Variants in ILDR1 observed in about 807,000 individuals in gnomAD.
The protein encoded by ILDR1 is immunoglobulin like domain containing receptor 1, also known as immunoglobulin-like domain-containing receptor 1.
A neutral mutation model predicts 62.4 loss-of-function variants in ILDR1; 56 were observed. That is an observed-to-expected ratio of 0.90 (90% CI 0.72 to 1.12). The LOEUF (loss-of-function observed/expected upper bound fraction) is 1.12. Ranked by LOEUF, ILDR1 falls within the 50% of genes most tolerant of loss-of-function variation. ILDR1 has a pLI of 0.00. For synonymous variants in ILDR1, 284 were observed against 277.8 expected, an observed-to-expected ratio of 1.02 and a Z score of -0.22; for missense variants, 736 against 710.6, an observed-to-expected ratio of 1.04 and a Z score of -0.41.
At chr3:122,015,682 G>A (rs763943024) in intron 1 of ILDR1, among the ~76,000 whole-genome samples, 1 of 152,220 alleles carries the variant, frequency 6.6e-6, no homozygotes, top group African/African-American at 2.4e-5. Context: ...CTGCAGAACT[G>A]TAAGTGAATT....
chr3:122,022,961 T>C (rs2071886719), upstream of ILDR1, among the ~76,000 whole-genome samples: 1 of 140,128 alleles, frequency 7.1e-6, no homozygotes, highest in East Asian at 2.5e-4. Context: ...AAATAAATAT[T>C]TGTTTCTAGA....
intron 7 of ILDR1, among the ~76,000 whole-genome samples, chr3:121,990,998 G>A (rs1226210037): frequency 2.6e-5 from 4 of 152,124 alleles, no homozygotes; most frequent in African/African-American, 4.8e-5. Context: ...TCAAGAGATC[G>A]AGACCATCCC....
At chr3:121,994,937 C>T (rs62269206) in intron 5 of ILDR1, among the ~76,000 whole-genome samples, 5,177 of 152,254 alleles carry the variant, frequency 0.034, 196 homozygotes, top group South Asian at 0.1. Flanking sequence ...CTACTCTTCC[C>T]GCCTTATTAA....
chr3:122,005,480 CA>C, intron 2 of ILDR1, 87 bp from the exon 3 acceptor site: 2 of 1,441,776 alleles, frequency 1.4e-6, no homozygotes. Context: ...GCGTGAGACA[CA>C]GTGAAGTGTC....
Position 121,987,866 on chromosome 3 carries a change from C to T in ILDR1, c.*501G>A, listed in dbSNP as rs958864459. On this transcript the variant is annotated 3_prime_UTR_variant, in exon 8 of 8. Transcript: ENST00000344209. ...AGAGCATGAACCAAGGCTAAAACTA[C>T]AGTTGGTAATTCCTCGAACTCTAAC... 1.1e-5 allele frequency: 3 copies of T among 263,224 alleles called. No individual in the cohort carries two copies. The highest frequency in any genetic ancestry group is 1.0e-4 in the Admixed American group (2 of 19,642). The allele number at this position is 263,224 out of a possible 1,614,324, so 16.3% of individuals were successfully genotyped here.
At chr3:122,045,205 A>G in the ILDR1 span, among the ~76,000 whole-genome samples, 1 of 149,698 alleles carries the variant, frequency 6.7e-6, no homozygotes, top group Non-Finnish European at 1.5e-5. Context: ...CAGGTTGTTC[A>G]GTTTCCATGT....
the ILDR1 span, among the ~76,000 whole-genome samples, chr3:122,044,919 C>T: frequency 6.0e-5 from 9 of 148,800 alleles, no homozygotes; most frequent in African/African-American, 2.0e-4. Context: ...CTATTTCCTT[C>T]AGTTCTGCTC....
chr3:122,015,992 C>T (rs543354486), intron 1 of ILDR1, among the ~76,000 whole-genome samples: 5 of 152,298 alleles, frequency 3.3e-5, no homozygotes, highest in Admixed American at 1.3e-4. Flanking sequence ...AACAGCTGTC[C>T]ATTTCTGTTA....
At chr3:122,043,593 G>C in the ILDR1 span, among the ~76,000 whole-genome samples, 1 of 63,250 alleles carries the variant, frequency 1.6e-5, no homozygotes, top group Non-Finnish European at 3.2e-5. Flanking sequence ...TTATTTCCTT[G>C]AGCAGTGGTT....
chr3:122,044,460 T>C, the ILDR1 span, among the ~76,000 whole-genome samples: 1 of 148,556 alleles, frequency 6.7e-6, no homozygotes. Context: ...TTCCCTCTTT[T>C]TCTATTGATT....
the ILDR1 span, among the ~76,000 whole-genome samples, chr3:122,036,084 C>A: frequency 6.6e-6 from 1 of 152,242 alleles, no homozygotes; most frequent in South Asian, 2.1e-4. Context: ...GAGTAAAGGT[C>A]ACCCTTACTA....
intron 1 of ILDR1, 184 bp from the exon 2 acceptor site, chr3:122,007,345 C>T (rs1353430438): frequency 1.5e-6 from 2 of 1,332,966 alleles, no homozygotes; most frequent in Admixed American, 2.0e-5. Flanking sequence ...AGAACGCACT[C>T]AGCAGCCTCA....
At chr3:122,025,708 G>A (rs941544263), upstream of ILDR1, among the ~76,000 whole-genome samples, 2 of 152,190 alleles carry the variant, frequency 1.3e-5, no homozygotes, top group Non-Finnish European at 2.9e-5. Flanking sequence ...TATGTGTACA[G>A]TATTTATCAA....
chr3:122,051,227 TTC>T, the ILDR1 span, among the ~76,000 whole-genome samples: 1 of 152,238 alleles, frequency 6.6e-6, no homozygotes, highest in Non-Finnish European at 1.5e-5. Flanking sequence ...TCTCCAACCC[TTC>T]TCTTTCTTGG....
chr3:122,012,310 T>C (rs2071716785), intron 1 of ILDR1, among the ~76,000 whole-genome samples: 1 of 152,232 alleles, frequency 6.6e-6, no homozygotes, highest in Admixed American at 6.5e-5. Context: ...CTACAAGTTT[T>C]CAAATTCTTA....
At chr3:122,011,695 A>ACACACACACACACACACACACACACACT (rs2071706999) in intron 1 of ILDR1, among the ~76,000 whole-genome samples, 1 of 151,102 alleles carries the variant, frequency 6.6e-6, no homozygotes, top group Admixed American at 6.6e-5. Flanking sequence ...ACACACACAC[A>ACACACACACACACACACACACACACACT]CGGGAAGAGT....
upstream of ILDR1, among the ~76,000 whole-genome samples, chr3:122,027,172 T>C (rs2071928758): frequency 6.6e-6 from 1 of 152,178 alleles, no homozygotes; most frequent in South Asian, 2.1e-4. Flanking sequence ...CAAGCCAGCA[T>C]TCTCAATGAA....
chr3:122,025,723 G>A (rs1027380926), upstream of ILDR1, among the ~76,000 whole-genome samples: 1 of 152,128 alleles, frequency 6.6e-6, no homozygotes, highest in African/African-American at 2.4e-5. Flanking sequence ...TATCAAGAAT[G>A]GAGAAGATTT....
At chr3:122,059,816 T>A in the ILDR1 span, among the ~76,000 whole-genome samples, 3 of 152,132 alleles carry the variant, frequency 2.0e-5, no homozygotes, top group African/African-American at 7.2e-5. Flanking sequence ...GGGTGGGTCC[T>A]AATCCAAGAC....
Sources: gnomAD v4.1 joint callset for allele counts (sites outside exome capture counted in the v4.1 genomes callset) on GRCh38, gnomAD v4.1.1 for gene constraint, MANE v1.5 for transcripts, NCBI Gene and HGNC (gene_info 2026-07-23, HGNC 2026-07-21) for gene names.